Variants in SYT1 observed in about 807,000 individuals in gnomAD.
The protein encoded by SYT1 is synaptotagmin-1.
In SYT1, 8 loss-of-function variants were observed where a neutral mutation model predicts 44.8. The observed-to-expected ratio is 0.18, with a 90% CI of 0.10 to 0.32. The LOEUF is 0.32. Among genes scored for constraint, SYT1 ranks in the 10% least tolerant of loss-of-function variants. The pLI, the probability that SYT1 is intolerant of heterozygous loss-of-function variation, is 1.00. For missense variants in SYT1, 286 were observed against 509.3 expected, an observed-to-expected ratio of 0.56 and a Z score of 4.22; for synonymous variants, 154 against 188.8, an observed-to-expected ratio of 0.82 and a Z score of 1.51.
intron 3 of SYT1, among the ~76,000 whole-genome samples, chr12:79,072,334 G>C (rs1369150205): frequency 6.6e-6 from 1 of 151,738 alleles, no homozygotes; most frequent in Non-Finnish European, 1.5e-5. Flanking sequence ...CAGAGATGAG[G>C]AGGAGTATTA....
At chr12:79,226,499 AT>A (rs1468247111) in intron 4 of SYT1, among the ~76,000 whole-genome samples, 1 of 152,082 alleles carries the variant, frequency 6.6e-6, no homozygotes, top group Non-Finnish European at 1.5e-5. Flanking sequence ...GTCCATGGAG[AT>A]TTGCCTTTGA....
intron 1 of SYT1, among the ~76,000 whole-genome samples, chr12:78,952,452 T>C (rs1879016345): frequency 6.6e-6 from 1 of 152,138 alleles, no homozygotes; most frequent in Non-Finnish European, 1.5e-5. Flanking sequence ...TGTGCCTCTG[T>C]CTTGGGTTCT....
intron 9 of SYT1, among the ~76,000 whole-genome samples, chr12:79,431,190 A>G (rs969365503): frequency 3.9e-5 from 6 of 152,244 alleles, no homozygotes; most frequent in Non-Finnish European, 8.8e-5. Flanking sequence ...ACTATTTAGT[A>G]TGTGGTGCTA....
rs1181646678 is a variant in SYT1, at chr12:79,333,719, A to G, written c.811-19783A>G. 7.2e-5 allele frequency among the ~76,000 whole-genome samples: 11 copies of G among 152,184 alleles called. 1 individual carries two copies. The highest frequency in any genetic ancestry group is 7.2e-4 in the Admixed American group (11 of 15,274). On this transcript the variant is annotated intron_variant, in intron 8 of 10. Transcript: ENST00000261205. ...AAGAAAAAAAATATTGGCATCTTTC[A>G]TTTATAGAACAGGTTTAATTTCTCA...
At chr12:79,239,731 CA>C (rs1876390706) in intron 4 of SYT1, among the ~76,000 whole-genome samples, 1 of 152,206 alleles carries the variant, frequency 6.6e-6, no homozygotes, top group Non-Finnish European at 1.5e-5. Flanking sequence ...CGGTGTCTCG[CA>C]AGGCTGCCAT....
At chr12:79,099,033 G>A (rs1878303134) in intron 3 of SYT1, among the ~76,000 whole-genome samples, 1 of 152,084 alleles carries the variant, frequency 6.6e-6, no homozygotes, top group African/African-American at 2.4e-5. Flanking sequence ...TGTAAGCACA[G>A]GAAAGGAGGA....
chr12:79,172,035 AATT>A (rs1342884909), intron 3 of SYT1, among the ~76,000 whole-genome samples: 1 of 151,902 alleles, frequency 6.6e-6, no homozygotes, highest in Admixed American at 6.6e-5. Context: ...TATCTCTTTT[AATT>A]ATTTATTTAA....
intron 8 of SYT1, among the ~76,000 whole-genome samples, chr12:79,330,322 A>G (rs1296175712): frequency 6.6e-6 from 1 of 152,226 alleles, no homozygotes; most frequent in Non-Finnish European, 1.5e-5. Context: ...GAACACTTGC[A>G]CCAGGGAAAT....
chr12:79,039,052 G>A (rs1325959456), intron 2 of SYT1, among the ~76,000 whole-genome samples: 2 of 151,944 alleles, frequency 1.3e-5, no homozygotes, highest in Non-Finnish European at 2.9e-5. Context: ...AAAATTATTT[G>A]TATATTTCTG....
chr12:79,294,183 T>C (rs1250734520), intron 6 of SYT1, among the ~76,000 whole-genome samples: 1 of 152,094 alleles, frequency 6.6e-6, no homozygotes, highest in Non-Finnish European at 1.5e-5. Flanking sequence ...ATAAGTATCA[T>C]TTTATAAAGT....
rs1592592565 is a variant in SYT1 at position 78,946,210 on chromosome 12, A to G, written c.-216-31589A>G. On this transcript the variant is annotated intron_variant, in intron 1 of 10. Transcript: ENST00000261205. ...ACATTTCCAAAAGATCATCTCTTCCAATGAGGGAACAGGTTTATTCAGGCC... is the reference window on the plus strand; with the variant it reads ...ACATTTCCAAAAGATCATCTCTTCCGATGAGGGAACAGGTTTATTCAGGCC... Among the ~76,000 whole-genome samples, 13 of 152,330 alleles carry G rather than the reference A, an allele frequency of 8.5e-5. No individual in the cohort carries two copies. The South Asian group carries it at 2.7e-3, about 32-fold the overall frequency.
chr12:78,983,666 T>A (rs1465007087), intron 2 of SYT1, among the ~76,000 whole-genome samples: 4 of 152,102 alleles, frequency 2.6e-5, no homozygotes, highest in Non-Finnish European at 5.9e-5. Flanking sequence ...CACATATAAA[T>A]GTCTGAATAC....
intron 8 of SYT1, among the ~76,000 whole-genome samples, chr12:79,348,743 G>C (rs1488513122): frequency 1.3e-5 from 2 of 152,020 alleles, no homozygotes; most frequent in East Asian, 3.9e-4. Flanking sequence ...TGGAGGTGGA[G>C]GTGATTGAAA....
At chr12:79,194,474 A>ATTG (rs1873323783) in intron 3 of SYT1, among the ~76,000 whole-genome samples, 1 of 151,346 alleles carries the variant, frequency 6.6e-6, no homozygotes, top group Admixed American at 6.6e-5. Context: ...TATTATTATT[A>ATTG]TTGTAGAGAC....
rs570079334 is a variant in SYT1, at chr12:79,126,728, C to T, written c.-18+79366C>T. Among the ~76,000 whole-genome samples, 5 of 152,172 alleles carry T rather than the reference C, an allele frequency of 3.3e-5. No individual in the cohort carries two copies. The South Asian group carries it at 6.2e-4, about 19-fold the overall frequency. ...TTCAGACCTACAATAAGACAGTGTC[C>T]TAGATGTCCTGGATTAGTAAGTGAG... On this transcript the variant is annotated intron_variant, in intron 3 of 10. Coordinates refer to ENST00000261205, the MANE Select transcript of SYT1 (RefSeq NM_005639.3).
chr12:79,208,803 ATGTT>A (rs1874271437), intron 3 of SYT1, among the ~76,000 whole-genome samples: 1 of 152,160 alleles, frequency 6.6e-6, no homozygotes, highest in African/African-American at 2.4e-5. Flanking sequence ...TTGCGGAAGA[ATGTT>A]TGTTCTCTTC....
chr12:79,119,153 C>T (rs996115474), intron 3 of SYT1, among the ~76,000 whole-genome samples: 25 of 152,178 alleles, frequency 1.6e-4, no homozygotes, highest in African/African-American at 6.0e-4. Context: ...GTCCTCTCCA[C>T]TCTCACTAAC....
chr12:79,328,790 A>G (rs1402502444), intron 8 of SYT1, among the ~76,000 whole-genome samples: 4 of 151,718 alleles, frequency 2.6e-5, no homozygotes, highest in South Asian at 4.2e-4. Context: ...AGCTTGCAGT[A>G]AGCCAAGATC....
At chr12:78,928,760 T>C (rs2137191003) in intron 1 of SYT1, among the ~76,000 whole-genome samples, 1 of 152,194 alleles carries the variant, frequency 6.6e-6, no homozygotes, top group South Asian at 2.1e-4. Flanking sequence ...TGGCATGAGA[T>C]TTCATCAGCT....
Sources: allele counts gnomAD v4.1 joint callset (sites outside exome capture counted in the v4.1 genomes callset), GRCh38; gene constraint gnomAD v4.1.1; transcripts MANE v1.5; gene names NCBI Gene and HGNC (gene_info 2026-07-23, HGNC 2026-07-21).